Variants in CACNA2D1 observed in about 807,000 individuals in gnomAD.
CACNA2D1 encodes voltage-dependent calcium channel subunit alpha-2/delta-1.
A neutral mutation model predicts 171.5 loss-of-function variants in CACNA2D1; 53 were observed. The ratio of observed to expected loss-of-function variants is 0.31; its 90% confidence interval spans 0.25 to 0.39. The LOEUF (loss-of-function observed/expected upper bound fraction) is 0.39. Among genes scored for constraint, CACNA2D1 ranks in the 10% least tolerant of loss-of-function variants. CACNA2D1 has a pLI of 1.00. For missense variants in CACNA2D1, 903 were observed against 1,299.8 expected (o/e 0.69, Z 4.69); for synonymous variants, 442 against 443.1 (o/e 1.00, Z 0.03).
intron 38 of CACNA2D1, among the ~76,000 whole-genome samples, chr7:81,957,714 A>G (rs1307204289): frequency 6.6e-6 from 1 of 152,130 alleles, no homozygotes; most frequent in African/African-American, 2.4e-5. Context: ...CTCCACTGCT[A>G]AAGAAACACA....
chr7:82,055,025 T>A (rs1429619463), intron 10 of CACNA2D1, among the ~76,000 whole-genome samples: 1 of 152,156 alleles, frequency 6.6e-6, no homozygotes, highest in Non-Finnish European at 1.5e-5. Context: ...TAAAAGATTC[T>A]CATTTCCCAT....
chr7:82,347,864 T>G lies in CACNA2D1; in HGVS notation c.177+1704A>C, dbSNP rs114467314. ...TCAGTCATTGATTAATTCATCAATA[T>G]CTATACTCTTCTTAGTAATCTATCC... On this transcript the variant is annotated intron_variant, in intron 2 of 38. Coordinates refer to ENST00000356860, the MANE Select transcript of CACNA2D1 (RefSeq NM_000722.4). 8.7e-3 allele frequency among the ~76,000 whole-genome samples: 1,320 copies of G among 152,312 alleles called. 26 individuals carry two copies. In the South Asian group the frequency reaches 0.094, roughly 11 times the overall value.
At chr7:82,111,292 G>A (rs1183844834) in intron 6 of CACNA2D1, among the ~76,000 whole-genome samples, 1 of 120,858 alleles carries the variant, frequency 8.3e-6, no homozygotes, top group Non-Finnish European at 1.7e-5. Flanking sequence ...ATATGTCTGG[G>A]TATATATATA....
At chr7:82,262,108 G>A (rs1367620276) in intron 3 of CACNA2D1, among the ~76,000 whole-genome samples, 3 of 152,210 alleles carry the variant, frequency 2.0e-5, no homozygotes, top group African/African-American at 7.2e-5. Context: ...GAGGCGGGCA[G>A]ATCACGAGGT....
chr7:82,040,688 A>G (rs541197320), intron 10 of CACNA2D1, among the ~76,000 whole-genome samples: 14 of 152,118 alleles, frequency 9.2e-5, no homozygotes, highest in Non-Finnish European at 5.9e-5. Context: ...AAAACTGCCC[A>G]GTAGGGCCGG....
intron 1 of CACNA2D1, 139 bp from the exon 2 acceptor site, chr7:82,349,788 C>A: frequency 1.4e-6 from 1 of 725,648 alleles, no homozygotes; most frequent in Non-Finnish European, 2.5e-6. Flanking sequence ...CCGACTATGT[C>A]CACCCTTCCA....
At chr7:82,017,317 A>G (rs897774850) in intron 12 of CACNA2D1, among the ~76,000 whole-genome samples, 2 of 152,266 alleles carry the variant, frequency 1.3e-5, no homozygotes, top group African/African-American at 4.8e-5. Context: ...TTCATTCCCT[A>G]GCGCCATACC....
At chr7:82,100,587 A>T (rs1022245862) in intron 6 of CACNA2D1, among the ~76,000 whole-genome samples, 15 of 152,316 alleles carry the variant, frequency 9.8e-5, no homozygotes, top group African/African-American at 3.6e-4. Context: ...ATCAAAGTGT[A>T]CTTATTTTCT....
At chr7:82,177,042 A>G (rs1796604477) in intron 3 of CACNA2D1, among the ~76,000 whole-genome samples, 1 of 134,990 alleles carries the variant, frequency 7.4e-6, no homozygotes, top group South Asian at 2.5e-4. Flanking sequence ...TCATTAGCCA[A>G]TGACAAGATT....
At chr7:81,994,724 G>A in intron 20 of CACNA2D1, 144 bp downstream of exon 20, 1 of 576,506 alleles carries the variant, frequency 1.7e-6, no homozygotes, top group Non-Finnish European at 3.1e-6. Context: ...CAGCTAAGAA[G>A]TGCTTTAAAA....
At chr7:82,269,411 C>T (rs1808335052) in intron 3 of CACNA2D1, among the ~76,000 whole-genome samples, 1 of 152,180 alleles carries the variant, frequency 6.6e-6, no homozygotes, top group South Asian at 2.1e-4. Context: ...CTGTCCTCTA[C>T]CTACTTTTCC....
chr7:82,249,586 T>C (rs751784403), intron 3 of CACNA2D1, among the ~76,000 whole-genome samples: 1 of 152,224 alleles, frequency 6.6e-6, no homozygotes, highest in Non-Finnish European at 1.5e-5. Flanking sequence ...GCTAACCTCA[T>C]AGTTACAAAA....
At chr7:82,151,381 C>T (rs1225251075) in intron 4 of CACNA2D1, among the ~76,000 whole-genome samples, 2 of 152,118 alleles carry the variant, frequency 1.3e-5, no homozygotes, top group Non-Finnish European at 2.9e-5. Flanking sequence ...AAGGCTGAAT[C>T]ATGGCAATAC....
chr7:82,329,885 C>T (rs1236203671), intron 3 of CACNA2D1, among the ~76,000 whole-genome samples: 2 of 151,456 alleles, frequency 1.3e-5, no homozygotes, highest in Non-Finnish European at 2.9e-5. Context: ...AAGTTGAATT[C>T]TACCACTACC....
intron 4 of CACNA2D1, among the ~76,000 whole-genome samples, chr7:82,152,996 C>T (rs549876777): frequency 4.5e-4 from 68 of 151,086 alleles, no homozygotes; most frequent in African/African-American, 1.5e-3. Flanking sequence ...TATCTGCCAT[C>T]CCACTGATCA....
chr7:82,179,535 AT>A (rs1294342293), intron 3 of CACNA2D1, among the ~76,000 whole-genome samples: 1 of 152,140 alleles, frequency 6.6e-6, no homozygotes, highest in Non-Finnish European at 1.5e-5. Context: ...ATCACTTTGC[AT>A]AACAACCAAA....
intron 1 of CACNA2D1, among the ~76,000 whole-genome samples, chr7:82,383,479 G>A (rs1367876235): frequency 1.3e-5 from 2 of 152,140 alleles, no homozygotes; most frequent in Non-Finnish European, 2.9e-5. Context: ...ATGGGAAAAG[G>A]GAATCACAGA....
intron 20 of CACNA2D1, among the ~76,000 whole-genome samples, chr7:81,993,311 T>G (rs1370770746): frequency 6.6e-6 from 1 of 152,192 alleles, no homozygotes; most frequent in Non-Finnish European, 1.5e-5. Flanking sequence ...CAACTCATTA[T>G]GCCAAACATT....
chr7:82,327,258 A>G (rs748394134), intron 3 of CACNA2D1, among the ~76,000 whole-genome samples: 14 of 152,198 alleles, frequency 9.2e-5, no homozygotes, highest in Non-Finnish European at 1.9e-4. Context: ...AGCTAAAACC[A>G]CATTTCTTAT....
Sources: gnomAD v4.1 joint callset for allele counts (sites outside exome capture counted in the v4.1 genomes callset) on GRCh38, gnomAD v4.1.1 for gene constraint, MANE v1.5 for transcripts, NCBI Gene and HGNC (gene_info 2026-07-23, HGNC 2026-07-21) for gene names.